PARN: variants seen among roughly 807,000 people sequenced by gnomAD.
PARN encodes poly(A)-specific ribonuclease PARN.
In PARN, 71 loss-of-function variants were observed where a neutral mutation model predicts 102.8. That is an observed-to-expected ratio of 0.69 (90% confidence interval 0.57 to 0.84). The LOEUF (loss-of-function observed/expected upper bound fraction) is 0.84. Ranked by LOEUF, PARN falls within the 40% of genes least tolerant of loss-of-function variation. The probability of loss-of-function intolerance (pLI) is 0.00; values close to 1 mark genes in which losing one functional copy is unlikely to be tolerated. For synonymous variants in PARN, 261 were observed against 252.9 expected, an observed-to-expected ratio of 1.03 and a Z score of -0.30; for missense variants, 782 against 760.9, an observed-to-expected ratio of 1.03 and a Z score of -0.33.
At chr16:14,561,692 C>G (rs1454070402) in intron 18 of PARN, among the ~76,000 whole-genome samples, 1 of 152,140 alleles carries the variant, frequency 6.6e-6, no homozygotes, top group Admixed American at 6.5e-5. Flanking sequence ...GCCTGTAGTC[C>G]CAGCTACTCA....
chr16:14,522,672 C>A (rs1965796346), intron 21 of PARN, among the ~76,000 whole-genome samples: 1 of 152,170 alleles, frequency 6.6e-6, no homozygotes, highest in Non-Finnish European at 1.5e-5. Context: ...GGCCTCAGAC[C>A]TGTGTGGCAC....
chr16:14,477,037 C>G (rs567017189), intron 22 of PARN, among the ~76,000 whole-genome samples: 112 of 152,258 alleles, frequency 7.4e-4, no homozygotes, highest in Non-Finnish European at 8.8e-5. Flanking sequence ...CAGAGATTGC[C>G]AGAAGCAAGA....
At chr16:14,590,118 G>A (rs1286154238) in intron 13 of PARN, among the ~76,000 whole-genome samples, 1 of 150,806 alleles carries the variant, frequency 6.6e-6, no homozygotes, top group African/African-American at 2.4e-5. Flanking sequence ...GGGCATGGTG[G>A]CGGGCGCCTG....
chr16:14,608,625 G>A lies in PARN; in HGVS notation c.621-306C>T, dbSNP rs184526645. ...GACAGATGCATTGAAATACTTTTGT[G>A]AAACTCCTCACAAAGTAAAAGGAAA... On this transcript the variant is annotated intron_variant, in intron 8 of 23. Transcript: ENST00000437198. 2.1e-3 allele frequency among the ~76,000 whole-genome samples: 319 copies of A among 152,198 alleles called. 1 individual carries two copies. The highest frequency in any genetic ancestry group is 3.4e-3 in the Middle Eastern group (1 of 294).
rs56768991 is a variant in PARN, at chr16:14,470,437, GATT to G, written c.1670+12198_1670+12200del. On this transcript the variant is annotated intron_variant, in intron 22 of 23. Transcript: ENST00000437198. ...ACTATAGAAATCTTAGAGTTTGGAT[GATT>G]ATTATTATTATTATTATTATTATTA... 2.7e-3 allele frequency among the ~76,000 whole-genome samples: 403 copies of G among 147,130 alleles called. 2 individuals are homozygous for G. The highest frequency in any genetic ancestry group is 0.015 in the East Asian group (77 of 5,072).
chr16:14,443,340 CTT>C (rs200799394), intron 23 of PARN, among the ~76,000 whole-genome samples: 3,567 of 138,960 alleles, frequency 0.026, 99 homozygotes, highest in Admixed American at 0.098. Flanking sequence ...AAAGAGATTA[CTT>C]TTTTTTTTTT....
intron 11 of PARN, among the ~76,000 whole-genome samples, 178 bp downstream of exon 11, chr16:14,603,968 C>G (rs1057473515): frequency 2.0e-5 from 3 of 152,230 alleles, no homozygotes; most frequent in African/African-American, 7.2e-5. Flanking sequence ...CTAGCTACGT[C>G]TCATGCTTAA....
At chr16:14,513,407 A>G (rs768693807) in intron 21 of PARN, among the ~76,000 whole-genome samples, 10 of 152,152 alleles carry the variant, frequency 6.6e-5, no homozygotes, top group Non-Finnish European at 1.3e-4. Context: ...TCTACCAGTA[A>G]TGATTAGCGT....
chr16:14,609,219 G>A (rs1971371464), intron 7 of PARN, 96 bp from the exon 8 acceptor site: 1 of 614,456 alleles, frequency 1.6e-6, no homozygotes, highest in South Asian at 2.0e-5. Context: ...CTAACTATAA[G>A]AACATGTGAC....
At chr16:14,481,755 G>A (rs1201780212) in intron 22 of PARN, among the ~76,000 whole-genome samples, 1 of 151,988 alleles carries the variant, frequency 6.6e-6, no homozygotes, top group Admixed American at 6.6e-5. Context: ...AATTCACATT[G>A]TTCTAAACTT....
chr16:14,538,397 G>A (rs965787642), intron 21 of PARN, among the ~76,000 whole-genome samples: 1 of 151,486 alleles, frequency 6.6e-6, no homozygotes, highest in Non-Finnish European at 1.5e-5. Flanking sequence ...TTTTTGTACT[G>A]TTAGTAGAGA....
chr16:14,565,906 T>C (rs939822768), intron 18 of PARN, among the ~76,000 whole-genome samples: 1 of 152,222 alleles, frequency 6.6e-6, no homozygotes, highest in Non-Finnish European at 1.5e-5. Flanking sequence ...CTGTGCATAG[T>C]GGAAGGTGTT....
At chr16:14,606,071 C>T (rs546796297) in intron 10 of PARN, among the ~76,000 whole-genome samples, 1 of 152,220 alleles carries the variant, frequency 6.6e-6, no homozygotes, top group South Asian at 2.1e-4. Context: ...TTACCTAGCT[C>T]ATAACAAGCA....
At chr16:14,535,969 G>A (rs1966589481) in intron 21 of PARN, among the ~76,000 whole-genome samples, 2 of 151,970 alleles carry the variant, frequency 1.3e-5, no homozygotes, top group African/African-American at 2.4e-5. Flanking sequence ...GTTTCCCTTT[G>A]CTGTGTTCCT....
chr16:14,589,720 G>C (rs531310111), intron 13 of PARN, among the ~76,000 whole-genome samples: 1 of 151,968 alleles, frequency 6.6e-6, no homozygotes, highest in East Asian at 1.9e-4. Flanking sequence ...ACAAAAATTA[G>C]CCAGGCATGG....
Position 14,613,084 on chromosome 16 carries a change from C to A in PARN, c.389-2275G>T, listed in dbSNP as rs562232936. Among the ~76,000 whole-genome samples the A allele has an allele frequency of 1.3e-3, 196 of 151,806 alleles. 1 individual carries two copies. The highest frequency in any genetic ancestry group is 1.0e-3 in the Non-Finnish European group (71 of 67,900). ...CAGAACTTTGGGAGGCCAAGGCGGGCAGATCACCTGAGGTCGTGAGTTCAA... is the reference window on the plus strand; with the variant it reads ...CAGAACTTTGGGAGGCCAAGGCGGGAAGATCACCTGAGGTCGTGAGTTCAA... On this transcript the variant is annotated intron_variant, in intron 6 of 23. Coordinates refer to ENST00000437198, the MANE Select transcript of PARN (RefSeq NM_002582.4).
intron 2 of PARN, among the ~76,000 whole-genome samples, chr16:14,628,505 A>C (rs1972817179): frequency 6.6e-6 from 1 of 152,238 alleles, no homozygotes; most frequent in African/African-American, 2.4e-5. Flanking sequence ...CTTAAAACAC[A>C]GTAATCATGT....
At chr16:14,460,378 C>G (rs1449415128) in intron 22 of PARN, among the ~76,000 whole-genome samples, 1 of 152,140 alleles carries the variant, frequency 6.6e-6, no homozygotes. Context: ...GAGTAGGGAG[C>G]TGAAGGAAAC....
At chr16:14,442,465 T>C (rs1221659954) in intron 23 of PARN, among the ~76,000 whole-genome samples, 1 of 152,190 alleles carries the variant, frequency 6.6e-6, no homozygotes, top group East Asian at 1.9e-4. Flanking sequence ...AGGGGACTTA[T>C]GCTGTACATT....
Sources: gnomAD v4.1 joint callset for allele counts (sites outside exome capture counted in the v4.1 genomes callset) on GRCh38, gnomAD v4.1.1 for gene constraint, MANE v1.5 for transcripts, NCBI Gene and HGNC (gene_info 2026-07-23, HGNC 2026-07-21) for gene names.